Variants in CAMK4 observed in about 807,000 individuals in gnomAD.
CAMK4 encodes the protein calcium/calmodulin dependent protein kinase IV, also known as calcium/calmodulin-dependent protein kinase type IV.
A neutral mutation model predicts 44.9 loss-of-function variants in CAMK4; 22 were observed. That is an observed-to-expected ratio of 0.49 (90% CI 0.35 to 0.70). CAMK4 has a LOEUF of 0.70. CAMK4 is among the 30% of genes least tolerant of loss of function. CAMK4 has a pLI of 0.01. For missense variants in CAMK4, 498 were observed against 586.8 expected, an observed-to-expected ratio of 0.85 and a Z score of 1.56; for synonymous variants, 218 against 215.4, an observed-to-expected ratio of 1.01 and a Z score of -0.11.
intron 5 of CAMK4, among the ~76,000 whole-genome samples, chr5:111,441,266 A>G (rs945654780): frequency 3.3e-5 from 5 of 152,174 alleles, no homozygotes; most frequent in Non-Finnish European, 7.4e-5. Context: ...TTATTTTATA[A>G]TATATATTAA....
At chr5:111,460,725 A>AGGAGG (rs1754614991) in intron 7 of CAMK4, among the ~76,000 whole-genome samples, 1 of 152,132 alleles carries the variant, frequency 6.6e-6, no homozygotes, top group Non-Finnish European at 1.5e-5. Flanking sequence ...ATCCATCACA[A>AGGAGG]CTCTGAAGTG....
intron 1 of CAMK4, among the ~76,000 whole-genome samples, chr5:111,341,523 G>C (rs1275677089): frequency 1.3e-5 from 2 of 150,564 alleles, no homozygotes; most frequent in East Asian, 2.0e-4. Context: ...ATATGTGTAG[G>C]ACTATTTTTG....
At chr5:111,392,899 A>T (rs1300131283) in intron 4 of CAMK4, among the ~76,000 whole-genome samples, 1 of 152,122 alleles carries the variant, frequency 6.6e-6, no homozygotes, top group Non-Finnish European at 1.5e-5. Context: ...TCAAAAGCCA[A>T]CTTGCATAGC....
At chr5:111,371,739 G>A (rs549027339) in intron 2 of CAMK4, among the ~76,000 whole-genome samples, 6 of 152,098 alleles carry the variant, frequency 3.9e-5, no homozygotes, top group Non-Finnish European at 8.8e-5. Flanking sequence ...TATGATGGAG[G>A]TTATGATTCT....
chr5:111,408,745 C>CT (rs1243110336), intron 5 of CAMK4, among the ~76,000 whole-genome samples: 4 of 152,240 alleles, frequency 2.6e-5, no homozygotes, highest in African/African-American at 9.6e-5. Context: ...AAGTTAGTTA[C>CT]TTCCTAGATA....
intron 2 of CAMK4, among the ~76,000 whole-genome samples, chr5:111,361,724 G>A (rs1430660286): frequency 6.6e-6 from 1 of 151,996 alleles, no homozygotes; most frequent in Non-Finnish European, 1.5e-5. Context: ...GGACAGTGCA[G>A]CTCTTAGTCT....
At chr5:111,440,830 G>A (rs140800183) in intron 5 of CAMK4, among the ~76,000 whole-genome samples, 129 of 152,238 alleles carry the variant, frequency 8.5e-4, no homozygotes, top group African/African-American at 2.9e-3. Flanking sequence ...TTAGAAAAGA[G>A]CAAGTTTTCC....
At position 111,258,636 on chromosome 5, in the gene CAMK4, G is replaced by A. The variant is rs552602881; in HGVS notation, c.161+33992G>A. Among the ~76,000 whole-genome samples the A allele has an allele frequency of 1.1e-4, 16 of 152,010 alleles. No homozygotes were observed. The South Asian group carries it at 2.7e-3, about 26-fold the overall frequency. The stretch of plus-strand genomic sequence containing the variant: ...ATTCAGTTACCAACCCCCTGCCCAG[G>A]TCCCTCCCACAACACATGGGAATTC... On this transcript the variant is annotated intron_variant, in intron 1 of 10. Coordinates refer to ENST00000282356, the MANE Select transcript of CAMK4 (RefSeq NM_001744.6).
intron 2 of CAMK4, among the ~76,000 whole-genome samples, chr5:111,372,599 G>C (rs1021732954): frequency 1.3e-5 from 2 of 152,120 alleles, no homozygotes; most frequent in Non-Finnish European, 2.9e-5. Flanking sequence ...TCTGCAGATA[G>C]ATCTACTCTG....
chr5:111,452,125 A>T (rs183946674), intron 7 of CAMK4, among the ~76,000 whole-genome samples: 378 of 152,328 alleles, frequency 2.5e-3, no homozygotes, highest in South Asian at 6.8e-3. Context: ...TCAACAAGTG[A>T]AGAAGTGGCC....
intron 2 of CAMK4, among the ~76,000 whole-genome samples, chr5:111,361,075 C>A (rs1248080065): frequency 6.6e-6 from 1 of 151,994 alleles, no homozygotes; most frequent in Non-Finnish European, 1.5e-5. Context: ...TAGCCAGGTT[C>A]TTTGAAAAAG....
intron 5 of CAMK4, among the ~76,000 whole-genome samples, chr5:111,429,929 A>G (rs1753377147): frequency 6.6e-6 from 1 of 151,638 alleles, no homozygotes; most frequent in South Asian, 2.1e-4. Context: ...AAAAAAAAAA[A>G]AAAATAGAAG....
intron 1 of CAMK4, among the ~76,000 whole-genome samples, chr5:111,323,579 C>T (rs1748750873): frequency 6.6e-6 from 1 of 151,426 alleles, no homozygotes; most frequent in African/African-American, 2.4e-5. Context: ...AAATGAAGAC[C>T]AGAAGACAAT....
At chr5:111,472,593 A>G (rs1056750771) in intron 7 of CAMK4, among the ~76,000 whole-genome samples, 13 of 152,222 alleles carry the variant, frequency 8.5e-5, no homozygotes, top group African/African-American at 2.9e-4. Context: ...AGATACTGCT[A>G]TTCTCCACAC....
intron 7 of CAMK4, among the ~76,000 whole-genome samples, chr5:111,460,397 G>A (rs764762000): frequency 2.0e-5 from 3 of 150,594 alleles, no homozygotes; most frequent in Non-Finnish European, 4.4e-5. Context: ...TCAGCCTCCT[G>A]AGTAGCTGGG....
At chr5:111,432,646 A>ATATATATATACATATATGTG (rs1561485068) in intron 5 of CAMK4, among the ~76,000 whole-genome samples, 1 of 132,622 alleles carries the variant, frequency 7.5e-6, no homozygotes, top group African/African-American at 3.1e-5. Context: ...ACATATATAT[A>ATATATATATACATATATGTG]TGTATATATG....
intron 7 of CAMK4, among the ~76,000 whole-genome samples, chr5:111,456,243 T>C (rs967675178): frequency 6.6e-6 from 1 of 152,018 alleles, no homozygotes; most frequent in African/African-American, 2.4e-5. Flanking sequence ...GGCTCACGAC[T>C]GTAATCCCAG....
chr5:111,364,826 T>A (rs1033521786), intron 2 of CAMK4: 8 of 152,130 alleles, frequency 5.3e-5, no homozygotes, highest in Non-Finnish European at 1.2e-4. Context: ...GCTTATCTGA[T>A]GATTACAGCC....
chr5:111,456,229 C>T (rs1431234862), intron 7 of CAMK4, among the ~76,000 whole-genome samples: 1 of 151,888 alleles, frequency 6.6e-6, no homozygotes, highest in Non-Finnish European at 1.5e-5. Flanking sequence ...CGGCCGGGCG[C>T]GGTGGCTCAC....
Sources: allele counts gnomAD v4.1 joint callset (sites outside exome capture counted in the v4.1 genomes callset), GRCh38; gene constraint gnomAD v4.1.1; transcripts MANE v1.5; gene names NCBI Gene and HGNC (gene_info 2026-07-23, HGNC 2026-07-21).